DAB1: variants seen among roughly 807,000 people sequenced by gnomAD.
DAB1 encodes the protein disabled homolog 1.
DAB1 carries 15 observed loss-of-function variants against 64.6 expected under a neutral mutation model. The observed-to-expected ratio is 0.23, with a 90% CI of 0.16 to 0.36. DAB1 has a LOEUF of 0.36. Ranked by LOEUF, DAB1 falls within the 10% of genes least tolerant of loss-of-function variation. The pLI is 1.00. For synonymous variants in DAB1, 235 were observed against 251.9 expected (o/e 0.93, Z 0.64); for missense variants, 596 against 706.7 (o/e 0.84, Z 1.78).
chr1:58,466,704 A>G (rs559450604), intron 3 of DAB1, among the ~76,000 whole-genome samples: 1 of 152,062 alleles, frequency 6.6e-6, no homozygotes, highest in Non-Finnish European at 1.5e-5. Context: ...ACCTGGTCTC[A>G]TCTGGAGGTC....
chr1:58,173,291 C>T (rs1051296958), intron 4 of DAB1, among the ~76,000 whole-genome samples: 9 of 152,148 alleles, frequency 5.9e-5, no homozygotes, highest in African/African-American at 1.9e-4. Flanking sequence ...TACACTCTAC[C>T]ACTTCAAACC....
rs1221803395 is a variant in DAB1 at position 57,984,252 on chromosome 1, G to GAAA, written n.388-100093_388-100091dup. Among the ~76,000 whole-genome samples the GAAA allele has an allele frequency of 2.4e-4, 32 of 132,914 alleles. 1 individual carries two copies. The highest frequency in any genetic ancestry group is 4.5e-4 in the East Asian group (2 of 4,462). 87.2% of individuals were successfully genotyped at this position (132,914 alleles called of 152,430 possible). ...AGAAAGAAAGAAAGAAAGAAAGAAAGAAAGAAAGAAAAAAAATTAAACAGC... is the reference window on the plus strand; with the variant it reads ...AGAAAGAAAGAAAGAAAGAAAGAAAGAAAAAAGAAAGAAAAAAAATTAAACAGC... On this transcript the variant is annotated intron_variant and non_coding_transcript_variant, in intron 5 of 20. Coordinates refer to the DAB1 transcript ENST00000485760.
At chr1:58,368,482 G>A (rs1321588012) in intron 3 of DAB1, among the ~76,000 whole-genome samples, 2 of 152,170 alleles carry the variant, frequency 1.3e-5, no homozygotes, top group Non-Finnish European at 2.9e-5. Flanking sequence ...GTGATTATCA[G>A]TATGGCCTTA....
chr1:57,005,193 C>T (rs1044907627), intron 14 of DAB1, among the ~76,000 whole-genome samples: 2 of 152,124 alleles, frequency 1.3e-5, no homozygotes, highest in African/African-American at 4.8e-5. Context: ...GGCAACTGTG[C>T]ATGTTCTGAA....
chr1:57,802,461 G>A (rs1406716045), intron 6 of DAB1, among the ~76,000 whole-genome samples: 1 of 152,304 alleles, frequency 6.6e-6, no homozygotes, highest in East Asian at 1.9e-4. Flanking sequence ...GAATTGGGAG[G>A]CAAACCCAAC....
At chr1:57,294,404 T>C (rs1323666273) in intron 1 of DAB1, among the ~76,000 whole-genome samples, 1 of 152,118 alleles carries the variant, frequency 6.6e-6, no homozygotes, top group East Asian at 1.9e-4. Context: ...TAAAATTTCA[T>C]GTTTATTGAT....
At chr1:57,185,289 C>T (rs1452177614) in intron 2 of DAB1, among the ~76,000 whole-genome samples, 1 of 152,158 alleles carries the variant, frequency 6.6e-6, no homozygotes, top group East Asian at 1.9e-4. Context: ...ACTTATGATG[C>T]CACCAGGTAA....
chr1:57,306,051 G>A (rs1674133198), intron 1 of DAB1, among the ~76,000 whole-genome samples: 2 of 151,980 alleles, frequency 1.3e-5, no homozygotes, highest in Admixed American at 1.3e-4. Flanking sequence ...GTGCTAAGCA[G>A]TGTATACATT....
chr1:57,973,876 T>C (rs772459779), intron 5 of DAB1, among the ~76,000 whole-genome samples: 2 of 152,160 alleles, frequency 1.3e-5, no homozygotes, highest in Admixed American at 6.6e-5. Flanking sequence ...ATACCCAGCA[T>C]AGTCTTTCAA....
At chr1:57,219,516 G>A (rs1478350239) in intron 2 of DAB1, among the ~76,000 whole-genome samples, 3 of 152,154 alleles carry the variant, frequency 2.0e-5, no homozygotes, top group African/African-American at 7.2e-5. Context: ...CACCCTTGAG[G>A]GCTAGGGGAA....
intron 7 of DAB1, among the ~76,000 whole-genome samples, chr1:57,578,111 GA>G (rs979773933): frequency 1.2e-4 from 19 of 152,342 alleles, no homozygotes; most frequent in African/African-American, 4.1e-4. Context: ...TCATGCGAAT[GA>G]AAGAAGTTAA....
At chr1:58,263,255 A>G (rs1157312611) in intron 4 of DAB1, among the ~76,000 whole-genome samples, 1 of 152,210 alleles carries the variant, frequency 6.6e-6, no homozygotes, top group African/African-American at 2.4e-5. Context: ...AGGATGCAGA[A>G]ATTGTTTTAA....
At chr1:58,401,359 G>C (rs1373981756) in intron 3 of DAB1, among the ~76,000 whole-genome samples, 1 of 152,140 alleles carries the variant, frequency 6.6e-6, no homozygotes, top group East Asian at 1.9e-4. Flanking sequence ...GCTCCCATAA[G>C]GGGGATAGGA....
At chr1:58,140,996 C>T (rs1025672160) in intron 5 of DAB1, among the ~76,000 whole-genome samples, 24 of 152,214 alleles carry the variant, frequency 1.6e-4, no homozygotes, top group Middle Eastern at 6.8e-3. Flanking sequence ...TTAATTGGCT[C>T]GTGGTTCTGC....
intron 2 of DAB1, among the ~76,000 whole-genome samples, chr1:57,163,436 G>T (rs1043458716): frequency 6.6e-5 from 10 of 152,012 alleles, no homozygotes; most frequent in Non-Finnish European, 5.9e-5. Flanking sequence ...TATGATCACA[G>T]CAGAGCAAGC....
At chr1:57,711,678 T>C (rs1359563418) in intron 6 of DAB1, among the ~76,000 whole-genome samples, 1 of 152,234 alleles carries the variant, frequency 6.6e-6, no homozygotes, top group East Asian at 1.9e-4. Context: ...GATTAAAATA[T>C]ACTGCCCCAT....
At chr1:58,408,349 C>T (rs771932146) in intron 3 of DAB1, among the ~76,000 whole-genome samples, 1 of 152,218 alleles carries the variant, frequency 6.6e-6, no homozygotes, top group Non-Finnish European at 1.5e-5. Context: ...CCTGAACATT[C>T]TGTCTAGCTG....
Position 56,996,972 on chromosome 1 carries a change from T to C in DAB1, c.*1172A>G, listed in dbSNP as rs1447666147. On this transcript the variant is annotated 3_prime_UTR_variant, in exon 15 of 15. Coordinates refer to ENST00000371236, the MANE Select transcript of DAB1 (RefSeq NM_001365792.1). Reference sequence around the variant, plus strand: ...TAATGGTAAGGTTTTTTTTTCAAGTTATAAAATAAAAATCCCATTTGAATT... The same window carrying C: ...TAATGGTAAGGTTTTTTTTTCAAGTCATAAAATAAAAATCCCATTTGAATT... The C allele has an allele frequency of 6.6e-6, 1 of 152,186 alleles. No individual in the cohort carries two copies. Among genetic ancestry groups the C allele is most frequent in the Non-Finnish European group, 1.5e-5 (1 of 68,034 alleles). 9.4% of individuals were successfully genotyped at this position (152,186 alleles called of 1,614,324 possible). A position where few individuals can be genotyped will look rare whatever the true frequency, so the allele number is the denominator to read the frequency against.
chr1:58,431,717 T>C (rs1306262911), intron 3 of DAB1, among the ~76,000 whole-genome samples: 1 of 152,224 alleles, frequency 6.6e-6, no homozygotes, highest in Admixed American at 6.5e-5. Flanking sequence ...GTTTAACAGT[T>C]AGCTCCCTTC....
Sources: gnomAD v4.1 joint callset for allele counts (sites outside exome capture counted in the v4.1 genomes callset) on GRCh38, gnomAD v4.1.1 for gene constraint, MANE v1.5 for transcripts, NCBI Gene and HGNC (gene_info 2026-07-23, HGNC 2026-07-21) for gene names.